Variants in KIAA1549 observed in about 807,000 individuals in gnomAD.
KIAA1549 encodes the protein UPF0606 protein KIAA1549.
KIAA1549 carries 70 observed loss-of-function variants against 156.4 expected under a neutral mutation model. The ratio of observed to expected loss-of-function variants is 0.45; its 90% CI spans 0.37 to 0.55. The LOEUF is 0.55. Ranked by LOEUF, KIAA1549 falls within the 20% of genes least tolerant of loss-of-function variation. The pLI is 0.00. For synonymous variants in KIAA1549, 1,103 were observed against 1,066.4 expected, an observed-to-expected ratio of 1.03 and a Z score of -0.67; for missense variants, 2,428 against 2,540.9, an observed-to-expected ratio of 0.96 and a Z score of 0.96.
rs1447559646 is a variant in KIAA1549 at position 138,917,062 on chromosome 7, G to T, written c.2564C>A (p.Thr855Asn). 2 of 1,608,024 alleles carry T rather than the reference G, an allele frequency of 1.2e-6. No homozygotes were observed. Among genetic ancestry groups the T allele is most frequent in the South Asian group, 1.1e-5 (1 of 89,716 alleles). ...CAGCTCTGTGGGCAGAGGGAAGGGG[G>T]TTGCTTCAGAAACAAACGAGGATCC... ...PSGSSFVSEA[T>N]PFPLPTELTV... is the part of the protein sequence containing the mutation. Residue 855 changes from threonine to asparagine, a missense_variant, in exon 2 of 20, where the codon ACC becomes AAC. This residue lies in a region of KIAA1549 where 762 missense variants were observed against 901.6 expected (regional missense o/e 0.85). Coordinates refer to ENST00000422774, the MANE Select transcript of KIAA1549 (RefSeq NM_001164665.2).
At chr7:138,973,272 T>C (rs192816627) in intron 1 of KIAA1549, among the ~76,000 whole-genome samples, 55 of 152,336 alleles carry the variant, frequency 3.6e-4, no homozygotes, top group African/African-American at 1.3e-3. Flanking sequence ...AAAGAGCTTG[T>C]GGAACATTTC....
At chr7:138,977,173 T>G (rs1814404255) in intron 1 of KIAA1549, among the ~76,000 whole-genome samples, 1 of 152,156 alleles carries the variant, frequency 6.6e-6, no homozygotes, top group Non-Finnish European at 1.5e-5. Flanking sequence ...CAAAATTATG[T>G]AAAATTTAAA....
At chr7:138,964,965 T>C (rs1406727811) in intron 1 of KIAA1549, among the ~76,000 whole-genome samples, 1 of 150,290 alleles carries the variant, frequency 6.7e-6, no homozygotes, top group Admixed American at 6.6e-5. Context: ...TTGTTTTTTT[T>C]TCTTTTTTTT....
chr7:138,883,732 A>C (rs113133031), intron 10 of KIAA1549, among the ~76,000 whole-genome samples: 4,319 of 152,276 alleles, frequency 0.028, 225 homozygotes, highest in African/African-American at 0.098. Flanking sequence ...AGGGAAATAA[A>C]CTGCACAGCA....
In KIAA1549 at chr7:138,918,135, G is replaced by T; in HGVS notation, c.1491C>A (p.Ser497=). ...SRPIVPLSSR[S]MEISETSVGI... is the part of the protein sequence containing the mutation. Reference sequence around the variant, plus strand: ...CAACACTCGTCTCTGAGATTTCCATGGATCTAGAAGAAAGTGGGACGATAG... The same window carrying T: ...CAACACTCGTCTCTGAGATTTCCATTGATCTAGAAGAAAGTGGGACGATAG... Residue 497 remains serine, a synonymous_variant, in exon 2 of 20, where the codon TCC becomes TCA. Coordinates refer to ENST00000422774, the MANE Select transcript of KIAA1549 (RefSeq NM_001164665.2). The surrounding 1 kb of genome is among the most constrained non-coding windows in gnomAD (Gnocchi z 4.2). 6.2e-7 allele frequency: 1 copy of T among 1,613,950 alleles called. No homozygotes were observed. Among genetic ancestry groups the T allele is most frequent in the African/African-American group, 1.3e-5 (1 of 75,052 alleles).
Position 138,911,174 on chromosome 7 carries a change from C to T in KIAA1549, c.3117G>A (p.Val1039=). 6.3e-7 allele frequency: 1 copy of T among 1,598,006 alleles called. No homozygotes were observed. Among genetic ancestry groups the T allele is most frequent in the African/African-American group, 1.3e-5 (1 of 74,678 alleles). The change falls in exon 4 of 20, where the codon GTG becomes GTA. Residue 1039 remains valine, a synonymous_variant. Transcript: ENST00000422774. ...LILSVKPSFL[V]PESRFQVQTV... is the part of the protein sequence containing the mutation. Reference sequence around the variant, plus strand: ...TTTGAACTTGGAACCTGGACTCTGGCACAAGGAAAGAAGGTTTCACAGACA... The same window carrying T: ...TTTGAACTTGGAACCTGGACTCTGGTACAAGGAAAGAAGGTTTCACAGACA...
intron 5 of KIAA1549, among the ~76,000 whole-genome samples, chr7:138,907,315 G>A (rs1812036066): frequency 6.6e-6 from 1 of 152,158 alleles, no homozygotes; most frequent in South Asian, 2.1e-4. Flanking sequence ...GATGAACTGA[G>A]CACATGTACA....
Position 138,981,207 on chromosome 7 carries a change from G to A in KIAA1549, c.63C>T (p.Val21=), listed in dbSNP as rs1056751986. The A allele has an allele frequency of 3.6e-5, 37 of 1,028,916 alleles. No individual in the cohort carries two copies. The African/African-American group carries it at 5.3e-4, about 15-fold the overall frequency. The allele number at this position is 1,028,916 out of a possible 1,614,324, so 63.7% of individuals were successfully genotyped here. ...GGCCGCTCGGCCCCGGGGCCAGCGC[G>A]ACCCCGGCGCGGGGCTTCCCCTCCA... ...AAMEGKPRAG[V]ALAPGPSGRR... Residue 21 remains valine, a synonymous_variant, in exon 1 of 20, where the codon GTC becomes GTT. Transcript: ENST00000422774. The surrounding 1 kb of genome is among the most constrained non-coding windows in gnomAD (Gnocchi z 4.5).
intron 1 of KIAA1549, among the ~76,000 whole-genome samples, chr7:138,961,207 C>T (rs1563094873): frequency 6.6e-6 from 1 of 152,216 alleles, no homozygotes; most frequent in Non-Finnish European, 1.5e-5. Context: ...GGAGCAGTCT[C>T]AAGACTTGAA....
intron 9 of KIAA1549, 55 bp downstream of exon 9, chr7:138,898,900 C>G: frequency 6.5e-7 from 1 of 1,536,522 alleles, no homozygotes; most frequent in Non-Finnish European, 9.0e-7. Context: ...CAGAACGAGC[C>G]TGGCTTTGGT....
chr7:138,906,462 C>G (rs1812008233), intron 6 of KIAA1549, among the ~76,000 whole-genome samples: 1 of 152,208 alleles, frequency 6.6e-6, no homozygotes, highest in Non-Finnish European at 1.5e-5. Flanking sequence ...TATGGGAAAT[C>G]TGTGAACTCT....
intron 16 of KIAA1549, among the ~76,000 whole-genome samples, chr7:138,857,112 C>T (rs1193470977): frequency 1.3e-5 from 2 of 152,122 alleles, no homozygotes; most frequent in Admixed American, 6.5e-5. Context: ...TGTGGGTTTC[C>T]GGTTTGCAGA....
At chr7:138,947,959 C>T (rs557299348) in intron 1 of KIAA1549, among the ~76,000 whole-genome samples, 25 of 152,130 alleles carry the variant, frequency 1.6e-4, no homozygotes, top group African/African-American at 5.5e-4. Context: ...GACAGGGTTT[C>T]GCCACGTTGC....
At position 138,840,288 on chromosome 7, in the gene KIAA1549, A is replaced by G; in HGVS notation, c.5453-10T>C. The stretch of plus-strand genomic sequence containing the variant: ...TGCTGGATCTGGGAGCCTGGAAGGA[A>G]CATGGTGGAGTGGCCTGGTCAACAT... On this transcript the variant is annotated splice_polypyrimidine_tract_variant and intron_variant, in intron 18 of 19. Coordinates refer to ENST00000422774, the MANE Select transcript of KIAA1549 (RefSeq NM_001164665.2). The G allele has an allele frequency of 6.3e-7, 1 of 1,599,804 alleles. No individual in the cohort carries two copies. The highest frequency in any genetic ancestry group is 8.5e-7 in the Non-Finnish European group (1 of 1,173,418).
intron 8 of KIAA1549, among the ~76,000 whole-genome samples, chr7:138,899,872 GT>G (rs1278445150): frequency 6.6e-6 from 1 of 152,150 alleles, no homozygotes; most frequent in Non-Finnish European, 1.5e-5. Context: ...TTAAAAGACA[GT>G]TTTTTATGCC....
intron 16 of KIAA1549, among the ~76,000 whole-genome samples, chr7:138,854,336 C>T (rs1391494235): frequency 6.6e-6 from 1 of 152,116 alleles, no homozygotes. Context: ...TGTCTCAGCC[C>T]AGGGATTTGT....
Position 138,837,578 on chromosome 7 carries a change from C to T in KIAA1549, c.*328G>A. ...TCCTTTCATCCCTATGCTGTCTATA[C>T]AGTTTAATCTCTACCTTTAAAAAAG... On this transcript the variant is annotated 3_prime_UTR_variant, in exon 20 of 20. Transcript: ENST00000422774. 2 of 488,134 alleles carry T rather than the reference C, an allele frequency of 4.1e-6. No homozygotes were observed. Among genetic ancestry groups the T allele is most frequent in the Non-Finnish European group, 7.2e-6 (2 of 278,886 alleles). 30.2% of individuals were successfully genotyped at this position (488,134 alleles called of 1,614,324 possible).
chr7:138,943,792 T>G (rs1009266688), intron 1 of KIAA1549, among the ~76,000 whole-genome samples: 3 of 151,904 alleles, frequency 2.0e-5, no homozygotes, highest in African/African-American at 7.3e-5. Flanking sequence ...GAGCTTGCAG[T>G]GAGCTGAGAT....
chr7:138,837,576 T>C lies in KIAA1549; in HGVS notation c.*330A>G, dbSNP rs1281005530. ...GTTCCTTTCATCCCTATGCTGTCTA[T>C]ACAGTTTAATCTCTACCTTTAAAAA... On this transcript the variant is annotated 3_prime_UTR_variant, in exon 20 of 20. Coordinates refer to ENST00000422774, the MANE Select transcript of KIAA1549 (RefSeq NM_001164665.2). 1 of 487,966 alleles carries C rather than the reference T, an allele frequency of 2.0e-6. No individual in the cohort carries two copies. Among genetic ancestry groups the C allele is most frequent in the African/African-American group, 1.9e-5 (1 of 52,324 alleles). The allele number at this position is 487,966 out of a possible 1,614,324, so 30.2% of individuals were successfully genotyped here.
Sources: allele counts gnomAD v4.1 joint callset (sites outside exome capture counted in the v4.1 genomes callset), GRCh38; gene constraint gnomAD v4.1.1; regional missense constraint gnomAD v4.1.1; non-coding constraint Gnocchi (gnomAD v3.1); transcripts MANE v1.5; gene names NCBI Gene and HGNC (gene_info 2026-07-23, HGNC 2026-07-21).